GALNT16: variants seen among roughly 807,000 people sequenced by gnomAD.
The protein encoded by GALNT16 is UDP-GalNAc:polypeptide N-acetylgalactosaminyltransferase-like protein 1.
Under a neutral mutation model 76.1 loss-of-function variants are expected in GALNT16, and 40 were observed. The ratio of observed to expected loss-of-function variants is 0.53; its 90% CI spans 0.41 to 0.68. The LOEUF (loss-of-function observed/expected upper bound fraction) is 0.68. Among genes scored for constraint, GALNT16 ranks in the 30% least tolerant of loss-of-function variants. The pLI is 0.00. For missense variants in GALNT16, 621 were observed against 731.9 expected, an observed-to-expected ratio of 0.85 and a Z score of 1.75; for synonymous variants, 276 against 285.2, an observed-to-expected ratio of 0.97 and a Z score of 0.32.
Position 69,260,363 on chromosome 14 carries a change from T to C in GALNT16, c.73T>C (p.Trp25Arg), listed in dbSNP as rs1005316225. 1.2e-6 allele frequency: 2 copies of C among 1,611,750 alleles called. No homozygotes were observed. The change falls in exon 1 of 15, where the codon TGG becomes CGG. Residue 25 changes from tryptophan (W) to arginine (R), a missense_variant. Transcript: ENST00000448469. ...GATCCTGGGCACTTTCTACTACTTA[T>C]GGCAGGACAACCGAGCCCACGCAGC... ...AWILGTFYYLWQDNRAHAASS... is the reference protein window; with the variant it reads ...AWILGTFYYLRQDNRAHAASS...
At chr14:69,375,673 ACT>A in the GALNT16 span, among the ~76,000 whole-genome samples, 1 of 152,012 alleles carries the variant, frequency 6.6e-6, no homozygotes, top group East Asian at 1.9e-4. Context: ...ACAAGTTCTC[ACT>A]CTGTTACCCA....
intron 14 of GALNT16, chr14:69,350,802 A>G (rs987289851): frequency 6.6e-6 from 1 of 152,374 alleles, no homozygotes; most frequent in Non-Finnish European, 1.5e-5. Flanking sequence ...GAATGAGAGA[A>G]GATGGAAGAG....
At chr14:69,370,380 C>T in the GALNT16 span, among the ~76,000 whole-genome samples, 2 of 152,122 alleles carry the variant, frequency 1.3e-5, no homozygotes, top group Admixed American at 6.6e-5. Context: ...GGTGGGGCAG[C>T]GTATCCAGGT....
At chr14:69,339,017 C>T (rs1052492023) in intron 10 of GALNT16, among the ~76,000 whole-genome samples, 31 of 151,952 alleles carry the variant, frequency 2.0e-4, no homozygotes, top group African/African-American at 7.3e-4. Context: ...ATATGAGTCT[C>T]GGAAAATTGG....
In GALNT16 at chr14:69,310,933, TA is replaced by T. The variant is rs544576041; in HGVS notation, c.178-9771del. ...CCAGCTCAATAAATAAATAAAATTT[TA>T]AAAAAATAGTATTATCCCTCTTTCC... is the stretch of plus-strand genomic sequence containing the variant. On this transcript the variant is annotated intron_variant, in intron 1 of 14. Transcript: ENST00000448469. 3.1e-4 allele frequency among the ~76,000 whole-genome samples: 47 copies of T among 152,106 alleles called. 1 individual carries two copies. In the South Asian group the frequency reaches 9.8e-3, roughly 32 times the overall value.
chr14:69,347,247 GGACT>G, intron 13 of GALNT16, 66 bp downstream of exon 13: 2 of 1,432,226 alleles, frequency 1.4e-6, no homozygotes, highest in Non-Finnish European at 1.9e-6. Context: ...GTGGGGTGAG[GGACT>G]TCCCCCTACT....
At chr14:69,267,402 C>T (rs1281271449) in intron 1 of GALNT16, among the ~76,000 whole-genome samples, 2 of 152,208 alleles carry the variant, frequency 1.3e-5, no homozygotes, top group Non-Finnish European at 2.9e-5. Flanking sequence ...GGCATTGAGG[C>T]AGGTCTGCCC....
rs1266320435 is a variant in GALNT16 at position 69,275,119 on chromosome 14, G to A, written c.177+14652G>A. ...GACAAAGGATTGGAACGAGAAAGGGGTGACCATAGCAGGTGCCATAGCTGT... is the reference window on the plus strand; with the variant it reads ...GACAAAGGATTGGAACGAGAAAGGGATGACCATAGCAGGTGCCATAGCTGT... On this transcript the variant is annotated intron_variant, in intron 1 of 14. Coordinates refer to ENST00000448469, the MANE Select transcript of GALNT16 (RefSeq NM_001168368.2). Among the ~76,000 whole-genome samples, 4 of 152,208 alleles carry A rather than the reference G, an allele frequency of 2.6e-5. No homozygotes were observed. The East Asian group carries it at 7.7e-4, about 29-fold the overall frequency.
intron 2 of GALNT16, among the ~76,000 whole-genome samples, chr14:69,322,987 C>CGT (rs1801015775): frequency 2.0e-4 from 4 of 19,630 alleles, no homozygotes; most frequent in African/African-American, 2.0e-3. Flanking sequence ...TGTGTGCGCG[C>CGT]GCACGCGCGC....
In GALNT16 at chr14:69,304,481, C is replaced by A. The variant is rs529509451; in HGVS notation, c.178-16230C>A. Among the ~76,000 whole-genome samples the A allele has an allele frequency of 2.6e-5, 4 of 152,176 alleles. No individual in the cohort carries two copies. The South Asian group carries it at 8.3e-4, about 32-fold the overall frequency. ...TAAGAACACATAACATGAGACCTAC[C>A]TTCTTAGCAAATTTTGAAGTGTAAA... is the stretch of plus-strand genomic sequence containing the variant. On this transcript the variant is annotated intron_variant, in intron 1 of 14. Coordinates refer to ENST00000448469, the MANE Select transcript of GALNT16 (RefSeq NM_001168368.2).
intron 1 of GALNT16, among the ~76,000 whole-genome samples, chr14:69,307,019 G>C (rs902317826): frequency 2.6e-5 from 4 of 152,102 alleles, no homozygotes; most frequent in African/African-American, 9.7e-5. Context: ...TGTCCCTCCC[G>C]GATCCAAAGC....
intron 1 of GALNT16, among the ~76,000 whole-genome samples, chr14:69,293,969 C>A (rs577846286): frequency 6.6e-6 from 1 of 152,108 alleles, no homozygotes; most frequent in Non-Finnish European, 1.5e-5. Context: ...CGGCTCACTG[C>A]AACCTCTGCC....
intron 1 of GALNT16, among the ~76,000 whole-genome samples, chr14:69,284,337 G>C (rs1001097197): frequency 6.6e-6 from 1 of 152,204 alleles, no homozygotes; most frequent in Admixed American, 6.5e-5. Context: ...CTCAGGAGCT[G>C]CACACAGATA....
intron 1 of GALNT16, among the ~76,000 whole-genome samples, chr14:69,278,801 C>T (rs1026779861): frequency 6.6e-6 from 1 of 152,072 alleles, no homozygotes; most frequent in Non-Finnish European, 1.5e-5. Context: ...TTGATTAATT[C>T]CTTAGATAAA....
intron 1 of GALNT16, among the ~76,000 whole-genome samples, chr14:69,316,734 A>G (rs1327246763): frequency 1.7e-5 from 2 of 120,358 alleles, no homozygotes; most frequent in African/African-American, 6.6e-5. Flanking sequence ...CTGCCCAGAG[A>G]GCGCCTCAGG....
At chr14:69,287,288 G>T (rs1217282021) in intron 1 of GALNT16, among the ~76,000 whole-genome samples, 1 of 152,192 alleles carries the variant, frequency 6.6e-6, no homozygotes, top group African/African-American at 2.4e-5. Flanking sequence ...TGGTTCCCTG[G>T]GGACAGGAGC....
chr14:69,361,763 T>C (rs543265237), downstream of GALNT16, among the ~76,000 whole-genome samples: 1 of 152,058 alleles, frequency 6.6e-6, no homozygotes, highest in African/African-American at 2.4e-5. Flanking sequence ...TCCCAGCACT[T>C]TGGGAGGCCG....
intron 10 of GALNT16, among the ~76,000 whole-genome samples, chr14:69,339,118 T>A (rs1276012857): frequency 6.6e-6 from 1 of 152,088 alleles, no homozygotes; most frequent in African/African-American, 2.4e-5. Context: ...TGATCAACCA[T>A]CTGTCCATCC....
rs558539496 is a variant in GALNT16, at chr14:69,264,059, G to T, written c.177+3592G>T. 2.6e-5 allele frequency among the ~76,000 whole-genome samples: 4 copies of T among 152,306 alleles called. No homozygotes were observed. In the East Asian group the frequency reaches 5.8e-4, roughly 22 times the overall value. On this transcript the variant is annotated intron_variant, in intron 1 of 14. Transcript: ENST00000448469. The stretch of plus-strand genomic sequence containing the variant: ...TGTGGTTGTTTTGGTTTGGGACTTA[G>T]GTTTTCCATATGCCAGTTCACTAAC...
Sources: gnomAD v4.1 joint callset for allele counts (sites outside exome capture counted in the v4.1 genomes callset) on GRCh38, gnomAD v4.1.1 for gene constraint, MANE v1.5 for transcripts, NCBI Gene and HGNC (gene_info 2026-07-23, HGNC 2026-07-21) for gene names.